The following RIIAD1 variants were observed in gnomAD, a reference collection of about 807,000 sequenced individuals.
RIIAD1 encodes regulatory subunit of type II PKA R-subunit domain containing 1.
RIIAD1 carries 15 observed loss-of-function variants against 13.3 expected under a neutral mutation model. The ratio of observed to expected loss-of-function variants is 1.13; its 90% CI spans 0.76 to 1.74. The LOEUF is 1.74. Ranked by LOEUF, RIIAD1 falls within the 40% of genes most tolerant of loss-of-function variation. The probability of loss-of-function intolerance (pLI) is 0.00; values close to 1 mark genes in which losing one functional copy is unlikely to be tolerated. For missense variants in RIIAD1, 121 were observed against 112.2 expected (o/e 1.08, Z -0.35); for synonymous variants, 50 against 43.3 (o/e 1.16, Z -0.61).
At chr1:151,718,982 G>T (rs1673688890), upstream of RIIAD1, among the ~76,000 whole-genome samples, 1 of 152,188 alleles carries the variant, frequency 6.6e-6, no homozygotes, top group South Asian at 2.1e-4. Flanking sequence ...CCGCCCTGCT[G>T]CTCATTCAGG....
rs1215860368 is a variant in RIIAD1 at position 151,721,624 on chromosome 1, G to A, written c.84+4G>A. ...GGAGCAGCTGCGAAAATTCAAGGTG[G>A]GTGCGCCCGCGCCCCCATCCAGCGT... On this transcript the variant is annotated splice_donor_region_variant and intron_variant, in intron 1 of 4. Transcript: ENST00000479191. The A allele has an allele frequency of 3.1e-6, 4 of 1,282,766 alleles. No homozygotes were observed. In the East Asian group the frequency reaches 1.3e-4, roughly 40 times the overall value. 79.5% of individuals were successfully genotyped at this position (1,282,766 alleles called of 1,614,324 possible).
At chr1:151,716,875 C>G, upstream of RIIAD1, 1 of 440,414 alleles carries the variant, frequency 2.3e-6, no homozygotes, top group South Asian at 1.6e-5. Flanking sequence ...TCTCAGGGGT[C>G]GAATACAAAT....
intron 4 of RIIAD1, chr1:151,715,960 TCTC>T: frequency 6.2e-7 from 1 of 1,614,152 alleles, no homozygotes; most frequent in East Asian, 2.2e-5. Context: ...TTCAGGTCCT[TCTC>T]CTCCAGATGC....
chr1:151,719,990 A>ATT (rs1466753424), upstream of RIIAD1, among the ~76,000 whole-genome samples: 2 of 152,250 alleles, frequency 1.3e-5, no homozygotes, highest in Non-Finnish European at 2.9e-5. Flanking sequence ...TGGTTTAAAA[A>ATT]TGTCTAGTAG....
At chr1:151,713,850 T>C (rs1673233197) in intron 3 of RIIAD1, among the ~76,000 whole-genome samples, 1 of 152,222 alleles carries the variant, frequency 6.6e-6, no homozygotes, top group African/African-American at 2.4e-5. Context: ...ATGGAAGGGC[T>C]TGGGACAATC....
Position 151,714,528 on chromosome 1 carries a change from TG to T in RIIAD1, c.21+1del. 1 of 1,144,280 alleles carries T rather than the reference TG, an allele frequency of 8.7e-7. No homozygotes were observed. The highest frequency in any genetic ancestry group is 1.3e-6 in the Non-Finnish European group (1 of 775,040). The allele number at this position is 1,144,280 out of a possible 1,614,324, so 70.9% of individuals were successfully genotyped here. On this transcript the variant is annotated frameshift_variant and splice_region_variant, in exon 4 of 9. Transcript: ENST00000326413. LOFTEE classifies it high-confidence loss of function. ...GAAATTATGCTCAGTGTCAGGAGGGTGGTGAGCCTCCTGCCACTTCTATGGC... is the reference window on the plus strand; with the variant it reads ...GAAATTATGCTCAGTGTCAGGAGGGTGTGAGCCTCCTGCCACTTCTATGGC...
At chr1:151,721,483 C>T (rs1255854265), upstream of RIIAD1, 2 of 1,122,092 alleles carry the variant, frequency 1.8e-6, no homozygotes, top group South Asian at 2.4e-5. Context: ...CAGGGCGGGG[C>T]CGGGGGCGGG....
At chr1:151,717,767 A>C (rs558888725), upstream of RIIAD1, among the ~76,000 whole-genome samples, 1 of 152,202 alleles carries the variant, frequency 6.6e-6, no homozygotes, top group Non-Finnish European at 1.5e-5. Context: ...AGTTGGACTC[A>C]AATTGAGCCA....
intron 2 of RIIAD1, among the ~76,000 whole-genome samples, chr1:151,727,125 CA>C (rs949357453): frequency 7.9e-5 from 12 of 151,356 alleles, no homozygotes; most frequent in African/African-American, 1.7e-4. Flanking sequence ...TCTGCCGCTA[CA>C]AAAAAAAATT....
intron 2 of RIIAD1, among the ~76,000 whole-genome samples, chr1:151,724,351 G>T (rs567551988): frequency 1.1e-4 from 16 of 152,290 alleles, no homozygotes; most frequent in Non-Finnish European, 2.4e-4. Context: ...AAGTTTTAGG[G>T]TTTACTTTTG....
upstream of RIIAD1, among the ~76,000 whole-genome samples, chr1:151,718,130 G>A (rs927125892): frequency 6.6e-6 from 1 of 152,146 alleles, no homozygotes; most frequent in African/African-American, 2.4e-5. Flanking sequence ...AGTCCCAGGG[G>A]CCTCCATTCC....
At chr1:151,722,200 A>C (rs1278011914) in intron 2 of RIIAD1, 38 bp downstream of exon 2, 2 of 1,320,760 alleles carry the variant, frequency 1.5e-6, no homozygotes, top group Admixed American at 4.0e-5. Context: ...TGTGGCACGC[A>C]GGGTTTTCTT....
chr1:151,719,718 T>C (rs928155677), upstream of RIIAD1: 8 of 693,540 alleles, frequency 1.2e-5, no homozygotes, highest in Admixed American at 8.4e-5. Context: ...TACATAATAG[T>C]GAGTACTGAG....
intron 2 of RIIAD1, among the ~76,000 whole-genome samples, chr1:151,726,626 G>C (rs144107273): frequency 6.6e-6 from 1 of 152,230 alleles, no homozygotes; most frequent in Non-Finnish European, 1.5e-5. Flanking sequence ...TCTTTTGAAG[G>C]CTTGGTTTCT....
At chr1:151,718,924 C>T (rs879857346), upstream of RIIAD1, among the ~76,000 whole-genome samples, 3 of 152,134 alleles carry the variant, frequency 2.0e-5, no homozygotes, top group African/African-American at 4.8e-5. Flanking sequence ...AGGGGAAGAC[C>T]CTATGGCCCT....
upstream of RIIAD1, among the ~76,000 whole-genome samples, chr1:151,716,965 C>A (rs986780554): frequency 1.3e-5 from 2 of 152,146 alleles, no homozygotes; most frequent in African/African-American, 4.8e-5. Flanking sequence ...ACTCCCTTCC[C>A]GCCCCCAGAA....
chr1:151,723,111 G>C (rs917468860), intron 2 of RIIAD1, among the ~76,000 whole-genome samples: 3 of 152,194 alleles, frequency 2.0e-5, no homozygotes, highest in African/African-American at 2.4e-5. Flanking sequence ...AAAAGTTGGC[G>C]AGGTCAGGCA....
intron 1 of RIIAD1, 133 bp from the exon 2 acceptor site, chr1:151,721,953 C>T: frequency 1.5e-6 from 1 of 666,020 alleles, no homozygotes; most frequent in Non-Finnish European, 2.7e-6. Flanking sequence ...AGATGGGTGG[C>T]TTAAACTTTC....
At chr1:151,721,027 C>A (rs1226178301), upstream of RIIAD1, among the ~76,000 whole-genome samples, 1 of 152,198 alleles carries the variant, frequency 6.6e-6, no homozygotes, top group Non-Finnish European at 1.5e-5. Flanking sequence ...CATCTTTAGT[C>A]GGACAGAACG....
Sources: gnomAD v4.1 joint callset for allele counts (sites outside exome capture counted in the v4.1 genomes callset) on GRCh38, gnomAD v4.1.1 for gene constraint, MANE v1.5 for transcripts, NCBI Gene and HGNC (gene_info 2026-07-23, HGNC 2026-07-21) for gene names.